Variants in ALS2 observed in about 807,000 individuals in gnomAD.
ALS2 encodes the protein alsin.
ALS2 carries 117 observed loss-of-function variants against 203.4 expected under a neutral mutation model. The observed-to-expected ratio is 0.58, with a 90% CI of 0.50 to 0.67. ALS2 has a LOEUF of 0.67. Ranked by LOEUF, ALS2 falls within the 30% of genes least tolerant of loss-of-function variation. The probability of loss-of-function intolerance (pLI) is 0.00; values close to 1 mark genes in which losing one functional copy is unlikely to be tolerated. For synonymous variants in ALS2, 718 were observed against 725.9 expected, an observed-to-expected ratio of 0.99 and a Z score of 0.17; for missense variants, 1,715 against 1,989.4, an observed-to-expected ratio of 0.86 and a Z score of 2.62.
Position 201,715,707 on chromosome 2 carries a change from C to T in ALS2, c.3969G>A (p.Val1323=), listed in dbSNP as rs1253696301. 6.2e-7 allele frequency: 1 copy of T among 1,614,200 alleles called. No individual in the cohort carries two copies. ...EVWKAWDNIA[V]ALTTSRRQHR... The stretch of plus-strand genomic sequence containing the variant: ...GCTGGCGCCGACTGGTGGTCAAGGC[C>T]ACAGCAATATTGTCCCATGCTTTCC... The change falls in exon 25 of 34, where the codon GTG becomes GTA. Residue 1323 remains valine, a synonymous_variant. Transcript: ENST00000264276.
chr2:201,710,779 G>C (rs6752508), intron 26 of ALS2, among the ~76,000 whole-genome samples: 336 of 152,250 alleles, frequency 2.2e-3, no homozygotes, highest in African/African-American at 7.3e-3. Flanking sequence ...ACCCCCTTGA[G>C]TGCCTTAAAA....
chr2:201,718,792 A>T (rs373921237), intron 23 of ALS2, among the ~76,000 whole-genome samples: 2 of 152,180 alleles, frequency 1.3e-5, no homozygotes, highest in East Asian at 3.9e-4. Context: ...AATTTAGGGG[A>T]TGATGTAAAT....
At chr2:201,737,457 T>C (rs772152232) in intron 12 of ALS2, among the ~76,000 whole-genome samples, 1 of 152,202 alleles carries the variant, frequency 6.6e-6, no homozygotes, top group Non-Finnish European at 1.5e-5. Flanking sequence ...TATTTAACAT[T>C]ATAAAAATTC....
chr2:201,755,559 G>A (rs960415346), intron 5 of ALS2, among the ~76,000 whole-genome samples: 4 of 152,048 alleles, frequency 2.6e-5, no homozygotes, highest in Non-Finnish European at 4.4e-5. Context: ...CACTGTGCCC[G>A]GCTCCCATCT....
At chr2:201,714,946 C>T (rs867267826) in intron 25 of ALS2, among the ~76,000 whole-genome samples, 5 of 152,176 alleles carry the variant, frequency 3.3e-5, no homozygotes, top group Non-Finnish European at 5.9e-5. Flanking sequence ...CTTTTTAGGT[C>T]CTCTGGCCAA....
At chr2:201,713,179 C>G in intron 25 of ALS2, among the ~76,000 whole-genome samples, 1 of 128,666 alleles carries the variant, frequency 7.8e-6, no homozygotes, top group Non-Finnish European at 1.6e-5. Context: ...TATTTTTGCC[C>G]AGGCTGGAGT....
chr2:201,706,184 G>C (rs1286218125), intron 29 of ALS2, among the ~76,000 whole-genome samples: 1 of 151,994 alleles, frequency 6.6e-6, no homozygotes, highest in African/African-American at 2.4e-5. Flanking sequence ...CAAAGAGTTC[G>C]AGACCAGCCT....
In ALS2 at chr2:201,727,296, A is replaced by G. The variant is rs1216999244; in HGVS notation, c.2913-18T>C. Reference sequence around the variant, plus strand: ...AGCCATTCCTAAAACGTTCACAAGGATAAATACCAGGACATTTAACAACCT... The same window carrying G: ...AGCCATTCCTAAAACGTTCACAAGGGTAAATACCAGGACATTTAACAACCT... On this transcript the variant is annotated intron_variant, in intron 16 of 33. Coordinates refer to ENST00000264276, the MANE Select transcript of ALS2 (RefSeq NM_020919.4). 6.2e-7 allele frequency: 1 copy of G among 1,600,930 alleles called. No individual in the cohort carries two copies. The highest frequency in any genetic ancestry group is 1.7e-5 in the Admixed American group (1 of 60,000).
intron 11 of ALS2, among the ~76,000 whole-genome samples, chr2:201,740,921 G>A (rs1692226863): frequency 6.6e-6 from 1 of 152,192 alleles, no homozygotes; most frequent in South Asian, 2.1e-4. Context: ...CTGTGCTGCT[G>A]TGGGCTTGGA....
At chr2:201,740,569 G>A (rs892935610) in intron 11 of ALS2, among the ~76,000 whole-genome samples, 1 of 152,094 alleles carries the variant, frequency 6.6e-6, no homozygotes, top group African/African-American at 2.4e-5. Flanking sequence ...AAAGAAACTA[G>A]TATCAAGTTC....
At position 201,734,931 on chromosome 2, in the gene ALS2, A is replaced by G. The variant is rs148272055; in HGVS notation, c.2418-1493T>C. On this transcript the variant is annotated intron_variant, in intron 12 of 33. Transcript: ENST00000264276. ...TTACTCAGATTTTTAAAATAAAAAA[A>G]TATTAAAGGTAGAAACAACCTAAGT... is the stretch of plus-strand genomic sequence containing the variant. 9.3e-4 allele frequency among the ~76,000 whole-genome samples: 142 copies of G among 152,298 alleles called. 1 individual carries two copies. Among genetic ancestry groups the G allele is most frequent in the African/African-American group, 3.3e-3 (137 of 41,552 alleles).
intron 28 of ALS2, 123 bp from the exon 29 acceptor site, chr2:201,707,145 A>G: frequency 1.2e-6 from 1 of 843,464 alleles, no homozygotes; most frequent in Non-Finnish European, 1.9e-6. Flanking sequence ...AAGAAGTTAT[A>G]ATATTACTCT....
chr2:201,741,961 A>G (rs1350189336), intron 10 of ALS2, 107 bp from the exon 11 acceptor site: 2 of 1,037,398 alleles, frequency 1.9e-6, no homozygotes, highest in Admixed American at 2.0e-5. Flanking sequence ...ACCTGTTGCC[A>G]TGTGCTCTCA....
intron 7 of ALS2, among the ~76,000 whole-genome samples, chr2:201,752,790 G>T (rs919834009): frequency 3.3e-5 from 5 of 152,076 alleles, no homozygotes; most frequent in Non-Finnish European, 5.9e-5. Context: ...TTTTCTTAGT[G>T]TTTTACTATG....
rs997498760 is a variant in ALS2, at chr2:201,730,979, C to T, written c.2581-1796G>A. Among the ~76,000 whole-genome samples, 186 of 152,172 alleles carry T rather than the reference C, an allele frequency of 1.2e-3. 2 individuals are homozygous for T. Among genetic ancestry groups the T allele is most frequent in the African/African-American group, 4.3e-3 (178 of 41,446 alleles). ...AGTATTGTCATGAAAATAGTTTTGA[C>T]CTTGTGAACCCCTTGAAATAGTCTT... On this transcript the variant is annotated intron_variant, in intron 13 of 33. Coordinates refer to ENST00000264276, the MANE Select transcript of ALS2 (RefSeq NM_020919.4).
At position 201,741,858 on chromosome 2, in the gene ALS2, T is replaced by A. The variant is rs780648054; in HGVS notation, c.2171-4A>T. On this transcript the variant is annotated splice_polypyrimidine_tract_variant and splice_region_variant and intron_variant, in intron 10 of 33. Coordinates refer to ENST00000264276, the MANE Select transcript of ALS2 (RefSeq NM_020919.4). ...GTAGTTGTAGTGCCCAAATTTTCTATAACAAAATAATGATGATGATGACAA... is the reference window on the plus strand; with the variant it reads ...GTAGTTGTAGTGCCCAAATTTTCTAAAACAAAATAATGATGATGATGACAA... 1 of 1,609,270 alleles carries A rather than the reference T, an allele frequency of 6.2e-7. No homozygotes were observed. Among genetic ancestry groups the A allele is most frequent in the Non-Finnish European group, 8.5e-7 (1 of 1,176,160 alleles).
chr2:201,708,503 A>G (rs1689859873), intron 27 of ALS2, among the ~76,000 whole-genome samples: 1 of 152,226 alleles, frequency 6.6e-6, no homozygotes. Flanking sequence ...TCACCTGAAC[A>G]GTGAACACTG....
intron 25 of ALS2, among the ~76,000 whole-genome samples, chr2:201,712,452 TTTC>T (rs1305052679): frequency 1.1e-4 from 17 of 152,246 alleles, no homozygotes; most frequent in African/African-American, 3.9e-4. Context: ...TTGCTCAATT[TTTC>T]TTCAATTCCC....
intron 12 of ALS2, among the ~76,000 whole-genome samples, chr2:201,735,048 G>A (rs78251433): frequency 0.085 from 12,978 of 152,142 alleles, 617 homozygotes; most frequent in Middle Eastern, 0.12. Flanking sequence ...AAATTTTGAC[G>A]TATGCTACAA....
Sources: allele counts gnomAD v4.1 joint callset (sites outside exome capture counted in the v4.1 genomes callset), GRCh38; gene constraint gnomAD v4.1.1; transcripts MANE v1.5; gene names NCBI Gene and HGNC (gene_info 2026-07-23, HGNC 2026-07-21).